The following RPS6KC1 variants were observed in gnomAD, a reference collection of about 807,000 sequenced individuals.
RPS6KC1 encodes ribosomal protein S6 kinase C1.
In RPS6KC1, 54 loss-of-function variants were observed where a neutral mutation model predicts 103.8. The ratio of observed to expected loss-of-function variants is 0.52; its 90% CI spans 0.42 to 0.65. The LOEUF (loss-of-function observed/expected upper bound fraction) is 0.65, where lower values mean the gene tolerates loss of function less well. Among genes scored for constraint, RPS6KC1 ranks in the 30% least tolerant of loss-of-function variants. RPS6KC1 has a pLI of 0.00. For missense variants in RPS6KC1, 1,151 were observed against 1,253.8 expected (o/e 0.92, Z 1.24); for synonymous variants, 439 against 438.7 (o/e 1.00, Z -0.01).
At chr1:213,484,628 C>T in the RPS6KC1 span, among the ~76,000 whole-genome samples, 1 of 152,140 alleles carries the variant, frequency 6.6e-6, no homozygotes, top group South Asian at 2.1e-4. Flanking sequence ...GTCAATCAAC[C>T]CACATTAAAG....
chr1:213,213,787 T>C (rs1168165572), intron 8 of RPS6KC1, among the ~76,000 whole-genome samples: 2 of 152,224 alleles, frequency 1.3e-5, no homozygotes, highest in African/African-American at 2.4e-5. Flanking sequence ...ATATTATTCA[T>C]AATCTACTCA....
the RPS6KC1 span, among the ~76,000 whole-genome samples, chr1:213,673,950 T>C: frequency 2.0e-5 from 3 of 152,136 alleles, no homozygotes; most frequent in Non-Finnish European, 4.4e-5. Flanking sequence ...ATAGGGAGCA[T>C]AGTACCCAGT....
chr1:213,233,794 C>T lies in RPS6KC1; in HGVS notation c.1225+1539C>T, dbSNP rs541085772. Among the ~76,000 whole-genome samples, 300 of 152,154 alleles carry T rather than the reference C, an allele frequency of 2.0e-3. 1 individual carries two copies. Among genetic ancestry groups the T allele is most frequent in the African/African-American group, 7.0e-3 (289 of 41,510 alleles). On this transcript the variant is annotated intron_variant, in intron 10 of 14. Coordinates refer to ENST00000366960, the MANE Select transcript of RPS6KC1 (RefSeq NM_012424.6). ...AGATCCTTCTTTACTATCGAGCATA[C>T]CTGACTTTGAATGCTCACATGACCA...
At chr1:213,360,933 G>A in the RPS6KC1 span, among the ~76,000 whole-genome samples, 1 of 152,198 alleles carries the variant, frequency 6.6e-6, no homozygotes, top group South Asian at 2.1e-4. Flanking sequence ...CCTCTCAGAG[G>A]GCTACTCGGC....
In RPS6KC1 at chr1:213,199,507, C is replaced by T. The variant is rs182229862; in HGVS notation, c.1044+23015C>T. Reference sequence around the variant, plus strand: ...TTGAAGGAAATACCTCAAAATAATACGAGCCATCCATGACAAACTCACAGC... The same window carrying T: ...TTGAAGGAAATACCTCAAAATAATATGAGCCATCCATGACAAACTCACAGC... On this transcript the variant is annotated intron_variant, in intron 8 of 14. Transcript: ENST00000366960. Among the ~76,000 whole-genome samples the T allele has an allele frequency of 7.2e-5, 11 of 152,268 alleles. No individual in the cohort carries two copies. The East Asian group carries it at 1.2e-3, about 16-fold the overall frequency.
chr1:213,614,967 C>T, the RPS6KC1 span, among the ~76,000 whole-genome samples: 2 of 152,178 alleles, frequency 1.3e-5, no homozygotes, highest in Admixed American at 6.5e-5. Flanking sequence ...GCTTCGACCT[C>T]CCAAAGTGTT....
chr1:213,079,513 G>A (rs187706267), intron 3 of RPS6KC1, among the ~76,000 whole-genome samples: 129 of 152,088 alleles, frequency 8.5e-4, no homozygotes, highest in Non-Finnish European at 1.4e-3. Context: ...GACTTCCTGG[G>A]CTCAGGTGAT....
the RPS6KC1 span, among the ~76,000 whole-genome samples, chr1:213,298,584 T>C: frequency 6.6e-6 from 1 of 152,130 alleles, no homozygotes; most frequent in Non-Finnish European, 1.5e-5. Flanking sequence ...GTTTGAGTGA[T>C]CTTTAAATTT....
At chr1:213,704,222 C>T in the RPS6KC1 span, among the ~76,000 whole-genome samples, 1 of 151,090 alleles carries the variant, frequency 6.6e-6, no homozygotes, top group East Asian at 1.9e-4. Flanking sequence ...CCCGTCTCTA[C>T]TAAAAATACA....
the RPS6KC1 span, among the ~76,000 whole-genome samples, chr1:213,483,383 T>TA: frequency 6.6e-6 from 1 of 152,326 alleles, no homozygotes; most frequent in African/African-American, 2.4e-5. Context: ...ATTCCTTTTT[T>TA]ATGGATATAA....
the RPS6KC1 span, among the ~76,000 whole-genome samples, chr1:213,627,308 TAAG>T: frequency 6.6e-6 from 1 of 152,226 alleles, no homozygotes; most frequent in Admixed American, 6.5e-5. Flanking sequence ...CCTGTCAGCT[TAAG>T]GAGATTTTGG....
chr1:213,680,845 C>CA, the RPS6KC1 span, among the ~76,000 whole-genome samples: 5 of 152,168 alleles, frequency 3.3e-5, no homozygotes, highest in Non-Finnish European at 5.9e-5. Flanking sequence ...ACTCATTTGT[C>CA]AACTTCCTCT....
At chr1:213,310,067 CCTT>C in the RPS6KC1 span, among the ~76,000 whole-genome samples, 2 of 152,166 alleles carry the variant, frequency 1.3e-5, no homozygotes, top group Admixed American at 1.3e-4. Context: ...GGATCTGACT[CCTT>C]CTCCTTTCCT....
the RPS6KC1 span, among the ~76,000 whole-genome samples, chr1:213,710,087 T>C: frequency 2.0e-5 from 3 of 152,170 alleles, no homozygotes; most frequent in African/African-American, 7.2e-5. Flanking sequence ...TAATTTTCTG[T>C]CTTGTTGATC....
the RPS6KC1 span, among the ~76,000 whole-genome samples, chr1:213,355,190 C>G: frequency 1.1e-4 from 17 of 151,756 alleles, no homozygotes; most frequent in Non-Finnish European, 2.1e-4. Flanking sequence ...GCACTCATGC[C>G]TGGGAGACAG....
the RPS6KC1 span, among the ~76,000 whole-genome samples, chr1:213,662,069 G>C: frequency 1.3e-5 from 2 of 152,114 alleles, no homozygotes; most frequent in African/African-American, 4.8e-5. Context: ...GTTGGAGGGA[G>C]AACCCAATGT....
At chr1:213,600,874 T>G in the RPS6KC1 span, among the ~76,000 whole-genome samples, 1 of 152,336 alleles carries the variant, frequency 6.6e-6, no homozygotes, top group Non-Finnish European at 1.5e-5. Flanking sequence ...AACAAATAAA[T>G]AAGTGGTAGG....
At chr1:213,474,952 C>T in the RPS6KC1 span, among the ~76,000 whole-genome samples, 1 of 152,130 alleles carries the variant, frequency 6.6e-6, no homozygotes, top group Non-Finnish European at 1.5e-5. Flanking sequence ...AGTTCCTTCC[C>T]GACCCCCAGC....
At chr1:213,602,575 A>G in the RPS6KC1 span, among the ~76,000 whole-genome samples, 2 of 152,094 alleles carry the variant, frequency 1.3e-5, no homozygotes, top group African/African-American at 2.4e-5. Flanking sequence ...ATGAAAGAAT[A>G]ACATTTTATA....
Sources: allele counts gnomAD v4.1 joint callset (sites outside exome capture counted in the v4.1 genomes callset), GRCh38; gene constraint gnomAD v4.1.1; transcripts MANE v1.5; gene names NCBI Gene and HGNC (gene_info 2026-07-23, HGNC 2026-07-21).